DMBX1: variants seen among roughly 807,000 people sequenced by gnomAD.
The protein encoded by DMBX1 is diencephalon/mesencephalon homeobox protein 1.
A neutral mutation model predicts 30.4 loss-of-function variants in DMBX1; 7 were observed. The ratio of observed to expected loss-of-function variants is 0.23; its 90% CI spans 0.13 to 0.43. The LOEUF is 0.43. Ranked by LOEUF, DMBX1 falls within the 20% of genes least tolerant of loss-of-function variation. The pLI is 1.00. For missense variants in DMBX1, 460 were observed against 508.5 expected (o/e 0.90, Z 0.92); for synonymous variants, 222 against 214.2 (o/e 1.04, Z -0.32).
Position 46,510,555 on chromosome 1 carries a change from C to A in DMBX1, c.234C>A (p.Leu78=). The A allele has an allele frequency of 6.2e-7, 1 of 1,614,108 alleles. No individual in the cohort carries two copies. Among genetic ancestry groups the A allele is most frequent in the Non-Finnish European group, 8.5e-7 (1 of 1,180,012 alleles). Residue 78 remains leucine (L), a synonymous_variant, in exon 4 of 6, where the codon CTC becomes CTA. Transcript: ENST00000360032. The surrounding 1 kb of genome is among the most constrained non-coding windows in gnomAD (Gnocchi z 4.1). ...GCACAGCGTTCACGGCTCAGCAGCT[C>A]GAGGCCCTGGAAAAGACCTTCCAGA... ...RSRTAFTAQQ[L]EALEKTFQKT...
rs1261900563 is a variant in DMBX1 at position 46,491,486 on chromosome 1, G to T, written c.-13+703G>T. 6.6e-6 allele frequency among the ~76,000 whole-genome samples: 1 copy of T among 152,228 alleles called. No homozygotes were observed. On this transcript the variant is annotated intron_variant, in intron 2 of 5. Transcript: ENST00000360032. The surrounding 1 kb of genome is among the most constrained non-coding windows in gnomAD (Gnocchi z 5.5). ...CTAAGGGCGCCTCCAGTTTGAGGGC[G>T]TTGGGGAAAGAGGAGGGCTTTATTG...
intron 2 of DMBX1, among the ~76,000 whole-genome samples, chr1:46,504,427 A>G (rs1475748587): frequency 6.7e-6 from 1 of 149,890 alleles, no homozygotes; most frequent in South Asian, 2.1e-4. Context: ...TCAGCTTTCT[A>G]CGTATGGCTA....
chr1:46,494,448 T>G (rs1335570742), intron 2 of DMBX1, among the ~76,000 whole-genome samples: 2 of 152,268 alleles, frequency 1.3e-5, no homozygotes, highest in African/African-American at 2.4e-5. Flanking sequence ...ATTACCCCAA[T>G]TAGTGGCTGA....
chr1:46,500,451 C>G (rs1384412545), intron 2 of DMBX1, among the ~76,000 whole-genome samples: 1 of 152,038 alleles, frequency 6.6e-6, no homozygotes, highest in Non-Finnish European at 1.5e-5. Flanking sequence ...TGCTTCTAAA[C>G]TCTGTTCCCC....
In DMBX1 at chr1:46,513,390, C is replaced by T. The variant is rs1333271317; in HGVS notation, c.*896C>T. 6.6e-6 allele frequency: 1 copy of T among 152,184 alleles called. No homozygotes were observed. The allele number at this position is 152,184 out of a possible 1,614,324, so 9.4% of individuals were successfully genotyped here. ...GGTGGCACTGGCTCCCACTCCCACC[C>T]CTGCCCAGGCTGGCATCTAGAAGGC... On this transcript the variant is annotated 3_prime_UTR_variant, in exon 6 of 6. Coordinates refer to ENST00000360032, the MANE Select transcript of DMBX1 (RefSeq NM_172225.2).
chr1:46,505,745 T>C (rs1557787749), intron 2 of DMBX1, among the ~76,000 whole-genome samples: 2 of 146,856 alleles, frequency 1.4e-5, no homozygotes, highest in African/African-American at 5.1e-5. Context: ...AAACTTAAAG[T>C]ATAATAATAA....
At position 46,493,295 on chromosome 1, in the gene DMBX1, C is replaced by G. The variant is rs1412656870; in HGVS notation, c.-13+2512C>G. 6.6e-6 allele frequency among the ~76,000 whole-genome samples: 1 copy of G among 152,220 alleles called. No individual in the cohort carries two copies. The highest frequency in any genetic ancestry group is 2.4e-5 in the African/African-American group (1 of 41,466). On this transcript the variant is annotated intron_variant, in intron 2 of 5. Transcript: ENST00000360032. The surrounding 1 kb of genome is among the most constrained non-coding windows in gnomAD (Gnocchi z 4.1). Reference sequence around the variant, plus strand: ...TGTGTGTTCTGGTCTCCACATTCATCCTGCACTGAGTGCCTCTCCTGTCTG... The same window carrying G: ...TGTGTGTTCTGGTCTCCACATTCATGCTGCACTGAGTGCCTCTCCTGTCTG...
intron 1 of DMBX1, among the ~76,000 whole-genome samples, 147 bp from the exon 2 acceptor site, chr1:46,490,496 CG>C (rs997092311): frequency 7.8e-6 from 1 of 128,030 alleles, no homozygotes; most frequent in Admixed American, 7.9e-5. Flanking sequence ...GAGCCCTGGG[CG>C]GGGGCTGGGG....
intron 2 of DMBX1, among the ~76,000 whole-genome samples, chr1:46,504,159 T>C (rs1411966428): frequency 6.6e-6 from 1 of 151,906 alleles, no homozygotes; most frequent in Non-Finnish European, 1.5e-5. Flanking sequence ...TCCCATTTTG[T>C]AGGTTGCCTG....
intron 2 of DMBX1, among the ~76,000 whole-genome samples, chr1:46,495,036 G>C (rs991992063): frequency 1.3e-5 from 2 of 152,174 alleles, no homozygotes; most frequent in Admixed American, 6.5e-5. Context: ...CCAGAAGGTG[G>C]CTTGGCTTCT....
rs1467411678 is a variant in DMBX1 at position 46,514,563 on chromosome 1, G to A, written c.*2069G>A. Among the ~76,000 whole-genome samples the A allele has an allele frequency of 6.6e-6, 1 of 152,126 alleles. No individual in the cohort carries two copies. The highest frequency in any genetic ancestry group is 1.5e-5 in the Non-Finnish European group (1 of 68,028). On this transcript the variant is annotated 3_prime_UTR_variant, in exon 6 of 6. Coordinates refer to ENST00000360032, the MANE Select transcript of DMBX1 (RefSeq NM_172225.2). ...TTGAGTTCCAGTGCCAGCCTCTGGAGTCACTCCATTTTCATACCTTTTCAT... is the reference window on the plus strand; with the variant it reads ...TTGAGTTCCAGTGCCAGCCTCTGGAATCACTCCATTTTCATACCTTTTCAT...
At chr1:46,501,719 A>G (rs1253755649) in intron 2 of DMBX1, among the ~76,000 whole-genome samples, 1 of 151,824 alleles carries the variant, frequency 6.6e-6, no homozygotes, top group East Asian at 1.9e-4. Context: ...GGGTCTTGCT[A>G]TGTTGCCCAG....
At chr1:46,494,034 C>T (rs1052164985) in intron 2 of DMBX1, among the ~76,000 whole-genome samples, 2 of 152,250 alleles carry the variant, frequency 1.3e-5, no homozygotes, top group African/African-American at 2.4e-5. Flanking sequence ...CCAGGAACAT[C>T]CTGGGGTCTT....
rs1666349924 is a variant in DMBX1, at chr1:46,510,730, G to A, written c.333+76G>A. On this transcript the variant is annotated intron_variant, in intron 4 of 5. Coordinates refer to ENST00000360032, the MANE Select transcript of DMBX1 (RefSeq NM_172225.2). This position sits in a 1 kb window ranked among gnomAD's most constrained non-coding sequence, Gnocchi z 4.1. ...AGTCTGCCCGCTTGTCCAGGAGCCA[G>A]CATGTCATCCCTGTGCCAAGGTGCA... 3.9e-6 allele frequency: 6 copies of A among 1,523,994 alleles called. No homozygotes were observed. Among genetic ancestry groups the A allele is most frequent in the Non-Finnish European group, 5.3e-6 (6 of 1,130,446 alleles). 94.4% of individuals were successfully genotyped at this position (1,523,994 alleles called of 1,614,324 possible). A position where few individuals can be genotyped will look rare whatever the true frequency, so the allele number is the denominator to read the frequency against.
chr1:46,497,948 A>C (rs1569882511), intron 2 of DMBX1, among the ~76,000 whole-genome samples: 1 of 152,326 alleles, frequency 6.6e-6, no homozygotes, highest in African/African-American at 2.4e-5. Context: ...GCACCTTTTA[A>C]ATATATAATT....
At position 46,505,005 on chromosome 1, in the gene DMBX1, G is replaced by A. The variant is rs373283193; in HGVS notation, c.-12-1994G>A. Among the ~76,000 whole-genome samples the A allele has an allele frequency of 2.8e-4, 42 of 151,220 alleles. No homozygotes were observed. In the East Asian group the frequency reaches 4.7e-3, roughly 17 times the overall value. ...CCAAAAAACACATGAAAAAATGCTCGTCATCACTGGCCATCAGAGAAATGC... is the reference window on the plus strand; with the variant it reads ...CCAAAAAACACATGAAAAAATGCTCATCATCACTGGCCATCAGAGAAATGC... On this transcript the variant is annotated intron_variant, in intron 2 of 5. Coordinates refer to ENST00000360032, the MANE Select transcript of DMBX1 (RefSeq NM_172225.2).
Position 46,512,559 on chromosome 1 carries a change from G to A in DMBX1, c.*65G>A, listed in dbSNP as rs1005717734. ...CCTCCTAGCCCTGTGGTTATCCCTA[G>A]GTGGCTCTCGAGGAGTTAACTCCAT... is the stretch of plus-strand genomic sequence containing the variant. On this transcript the variant is annotated 3_prime_UTR_variant, in exon 6 of 6. Transcript: ENST00000360032. This position sits in a 1 kb window ranked among gnomAD's most constrained non-coding sequence, Gnocchi z 4.8. 1 of 1,523,674 alleles carries A rather than the reference G, an allele frequency of 6.6e-7. No homozygotes were observed. Among genetic ancestry groups the A allele is most frequent in the Non-Finnish European group, 8.8e-7 (1 of 1,131,824 alleles). The allele number at this position is 1,523,674 out of a possible 1,614,324, so 94.4% of individuals were successfully genotyped here.
intron 2 of DMBX1, among the ~76,000 whole-genome samples, chr1:46,492,561 G>A (rs753053230): frequency 2.6e-5 from 4 of 152,156 alleles, no homozygotes; most frequent in Non-Finnish European, 5.9e-5. Context: ...GGACATTGTC[G>A]GTGGTTTTTG....
intron 5 of DMBX1, 147 bp from the exon 6 acceptor site, chr1:46,511,896 A>T (rs1666379944): frequency 1.2e-6 from 1 of 826,578 alleles, no homozygotes; most frequent in South Asian, 1.7e-5. Flanking sequence ...GCTTCAGGGG[A>T]TGCTCTGGCT....
Sources: allele counts gnomAD v4.1 joint callset (sites outside exome capture counted in the v4.1 genomes callset), GRCh38; gene constraint gnomAD v4.1.1; non-coding constraint Gnocchi (gnomAD v3.1); transcripts MANE v1.5; gene names NCBI Gene and HGNC (gene_info 2026-07-23, HGNC 2026-07-21).